The following RIPK2 variants were observed in gnomAD, a reference collection of about 807,000 sequenced individuals.
RIPK2 encodes the protein receptor-interacting serine/threonine-protein kinase 2.
In RIPK2, 38 loss-of-function variants were observed where a neutral mutation model predicts 60.9. The observed-to-expected ratio is 0.62, with a 90% CI of 0.48 to 0.82. The LOEUF is 0.82. Ranked by LOEUF, RIPK2 falls within the 40% of genes least tolerant of loss-of-function variation. RIPK2 has a pLI of 0.00. For synonymous variants in RIPK2, 225 were observed against 223.4 expected (o/e 1.01, Z -0.06); for missense variants, 518 against 647.0 (o/e 0.80, Z 2.16).
rs201755113 is a variant in RIPK2 at position 89,758,043 on chromosome 8, G to A, written c.-18G>A. On this transcript the variant is annotated 5_prime_UTR_variant, in exon 1 of 11. Transcript: ENST00000220751. ...GCAGCAGGGGGCACACCCGGAACCG[G>A]CCTGAGCGCCCGGGACCATGAACGG... 1.3e-5 allele frequency: 21 copies of A among 1,567,998 alleles called. No individual in the cohort carries two copies. In the South Asian group the frequency reaches 2.0e-4, roughly 15 times the overall value.
intron 2 of RIPK2, 43 bp downstream of exon 2, chr8:89,763,025 C>T: frequency 8.4e-7 from 1 of 1,191,446 alleles, no homozygotes. Flanking sequence ...GCCATTTTTA[C>T]TATTCAAACT....
chr8:89,765,689 A>G (rs1362600904), intron 3 of RIPK2, among the ~76,000 whole-genome samples, 193 bp downstream of exon 3: 1 of 151,718 alleles, frequency 6.6e-6, no homozygotes, highest in Non-Finnish European at 1.5e-5. Flanking sequence ...TTATTCCTAG[A>G]CAGAGATAGA....
intron 1 of RIPK2, among the ~76,000 whole-genome samples, chr8:89,762,034 A>T (rs1294974306): frequency 6.6e-6 from 1 of 151,932 alleles, no homozygotes; most frequent in African/African-American, 2.4e-5. Flanking sequence ...GTCTCTACAA[A>T]AAAAAAATAG....
At chr8:89,779,566 C>T (rs1000869928) in intron 6 of RIPK2, among the ~76,000 whole-genome samples, 4 of 151,866 alleles carry the variant, frequency 2.6e-5, no homozygotes, top group African/African-American at 4.8e-5. Context: ...GTGATCTGTC[C>T]GCCTCGGCCT....
rs774536379 is a variant in RIPK2 at position 89,765,518 on chromosome 8, TTA to T, written c.483+24_483+25del. 3 of 1,463,988 alleles carry T rather than the reference TTA, an allele frequency of 2.0e-6. 1 individual carries two copies. The Middle Eastern group carries it at 5.2e-4, about 255-fold the overall frequency. 90.7% of individuals were successfully genotyped at this position (1,463,988 alleles called of 1,614,324 possible). A position where few individuals can be genotyped will look rare whatever the true frequency, so the allele number is the denominator to read the frequency against. ...TAAGGTAATTACTTTTTTAAAAAGT[TTA>T]TGTTTCCTTGTCCTTATAGTTTTAA... is the stretch of plus-strand genomic sequence containing the variant. On this transcript the variant is annotated intron_variant, in intron 3 of 10. Transcript: ENST00000220751.
In RIPK2 at chr8:89,790,514, T is replaced by C; in HGVS notation, c.*98T>C. 2 of 827,908 alleles carry C rather than the reference T, an allele frequency of 2.4e-6. No individual in the cohort carries two copies. Among genetic ancestry groups the C allele is most frequent in the Middle Eastern group, 7.3e-4 (2 of 2,732 alleles). The allele number at this position is 827,908 out of a possible 1,614,324, so 51.3% of individuals were successfully genotyped here. A position where few individuals can be genotyped will look rare whatever the true frequency, so the allele number is the denominator to read the frequency against. On this transcript the variant is annotated 3_prime_UTR_variant, in exon 11 of 11. Transcript: ENST00000220751. ...ATAAAATCCGTGAGTATTAAAGCTT[T>C]ATTGAAGGTTCTTTGGGTAAATATT...
At chr8:89,781,704 G>C (rs1375429604) in intron 7 of RIPK2, among the ~76,000 whole-genome samples, 1 of 152,010 alleles carries the variant, frequency 6.6e-6, no homozygotes, top group East Asian at 1.9e-4. Context: ...CCAAGACCCT[G>C]GTCAATGCCT....
intron 9 of RIPK2, among the ~76,000 whole-genome samples, chr8:89,787,191 T>A (rs1015634841): frequency 3.3e-5 from 5 of 152,036 alleles, no homozygotes; most frequent in Non-Finnish European, 7.4e-5. Context: ...AAACAGGCAT[T>A]ATGTTAGACA....
rs16900484 is a variant in RIPK2 at position 89,769,704 on chromosome 8, A to C, written c.484-68A>C. The C allele has an allele frequency of 0.015, 17,236 of 1,134,090 alleles. 1,324 individuals are homozygous for C. In the African/African-American group the frequency reaches 0.19, roughly 13 times the overall value. 70.3% of individuals were successfully genotyped at this position (1,134,090 alleles called of 1,614,324 possible). A position where few individuals can be genotyped will look rare whatever the true frequency, so the allele number is the denominator to read the frequency against. On this transcript the variant is annotated intron_variant, in intron 3 of 10. Coordinates refer to ENST00000220751, the MANE Select transcript of RIPK2 (RefSeq NM_003821.6). ...GATATCTAAATACAGTGAATATACA[A>C]AAAGATAGTTGACTTTTGGACTTTT...
chr8:89,780,944 GTTTT>G (rs1367457371), intron 7 of RIPK2, among the ~76,000 whole-genome samples: 1 of 141,838 alleles, frequency 7.1e-6, no homozygotes. Flanking sequence ...TACTGCAGGG[GTTTT>G]TTTTTTTTTA....
intron 9 of RIPK2, among the ~76,000 whole-genome samples, chr8:89,786,892 GCAGTGGTTCA>G: frequency 6.6e-6 from 1 of 151,836 alleles, no homozygotes; most frequent in Non-Finnish European, 1.5e-5. Context: ...TTGGCCAGGC[GCAGTGGTTCA>G]CACCTATAAT....
chr8:89,774,433 C>T (rs564555320), intron 6 of RIPK2, among the ~76,000 whole-genome samples: 1 of 152,258 alleles, frequency 6.6e-6, no homozygotes, highest in Admixed American at 6.5e-5. Flanking sequence ...AATCCGTATA[C>T]ATTGTTGGTG....
chr8:89,762,970 A>G lies in RIPK2; in HGVS notation c.315A>G (p.Glu105=). The G allele has an allele frequency of 1.3e-6, 2 of 1,497,410 alleles. No homozygotes were observed. The allele number at this position is 1,497,410 out of a possible 1,614,324, so 92.8% of individuals were successfully genotyped here. A position where few individuals can be genotyped will look rare whatever the true frequency, so the allele number is the denominator to read the frequency against. Residue 105 remains glutamate (E), a synonymous_variant, in exon 2 of 11, where the codon GAA becomes GAG. Coordinates refer to ENST00000220751, the MANE Select transcript of RIPK2 (RefSeq NM_003821.6). ...TEYMPNGSLN[E]LLHRKTEYPD... ...ACATGCCAAATGGATCATTAAATGA[A>G]CTCCTACATAGGGTAAGTATTACAC...
At chr8:89,765,879 T>C (rs944471000) in intron 3 of RIPK2, among the ~76,000 whole-genome samples, 15 of 151,780 alleles carry the variant, frequency 9.9e-5, no homozygotes, top group Non-Finnish European at 1.5e-4. Flanking sequence ...AATTATAGTA[T>C]AATTTCAAGA....
chr8:89,772,826 T>A lies in RIPK2; in HGVS notation c.851T>A (p.Leu284Ter). The A allele has an allele frequency of 6.2e-7, 1 of 1,600,246 alleles. No homozygotes were observed. The highest frequency in any genetic ancestry group is 8.5e-7 in the Non-Finnish European group (1 of 1,171,880). The change falls in exon 6 of 11, where the codon TTA (leucine) becomes TAA (stop). Residue 284 changes from leucine (L) to a stop codon, truncating the protein, a stop_gained and splice_region_variant. Coordinates refer to ENST00000220751, the MANE Select transcript of RIPK2 (RefSeq NM_003821.6). LOFTEE classifies it high-confidence loss of function. ...AATCCAGATGAAAGACCATCTTTCT[T>A]AAGTGAGTATATAGTTTTAACCTAG... Reference protein sequence around the residue: ...AQNPDERPSFLKCLIELEPVL... With the variant: ...AQNPDERPSF
chr8:89,784,305 G>C (rs1355998717), intron 8 of RIPK2, among the ~76,000 whole-genome samples, 166 bp downstream of exon 8: 1 of 152,166 alleles, frequency 6.6e-6, no homozygotes, highest in Non-Finnish European at 1.5e-5. Flanking sequence ...TTGAAACCCA[G>C]CTGTACTGAT....
intron 2 of RIPK2, among the ~76,000 whole-genome samples, chr8:89,764,135 A>G (rs1809188438): frequency 6.6e-6 from 1 of 152,148 alleles, no homozygotes; most frequent in East Asian, 1.9e-4. Context: ...GAGGCCTGGT[A>G]ACTGCTTTAA....
At chr8:89,778,860 A>G (rs533724529) in intron 6 of RIPK2, among the ~76,000 whole-genome samples, 1 of 152,328 alleles carries the variant, frequency 6.6e-6, no homozygotes, top group African/African-American at 2.4e-5. Context: ...TGATAAATTT[A>G]TCTTTAATTT....
intron 6 of RIPK2, among the ~76,000 whole-genome samples, chr8:89,776,479 C>T (rs955362801): frequency 1.3e-5 from 2 of 152,184 alleles, no homozygotes; most frequent in African/African-American, 4.8e-5. Context: ...TAGGAATATA[C>T]AAGAACACAT....
Sources: allele counts gnomAD v4.1 joint callset (sites outside exome capture counted in the v4.1 genomes callset), GRCh38; gene constraint gnomAD v4.1.1; transcripts MANE v1.5; gene names NCBI Gene and HGNC (gene_info 2026-07-23, HGNC 2026-07-21).